Variants in PPFIBP2 observed in about 807,000 individuals in gnomAD.
PPFIBP2 encodes the protein PPFIB scaffold protein 2, also known as liprin-beta-2.
A neutral mutation model predicts 118.3 loss-of-function variants in PPFIBP2; 118 were observed. The ratio of observed to expected loss-of-function variants is 1.00; its 90% CI spans 0.86 to 1.16. PPFIBP2 has a LOEUF of 1.16. Ranked by LOEUF, PPFIBP2 falls within the 50% of genes most tolerant of loss-of-function variation. PPFIBP2 has a pLI of 0.00. For synonymous variants in PPFIBP2, 414 were observed against 397.4 expected, an observed-to-expected ratio of 1.04 and a Z score of -0.50; for missense variants, 1,195 against 1,073.1, an observed-to-expected ratio of 1.11 and a Z score of -1.59.
At chr11:7,521,874 G>C (rs1849786440) in intron 1 of PPFIBP2, among the ~76,000 whole-genome samples, 1 of 152,214 alleles carries the variant, frequency 6.6e-6, no homozygotes, top group African/African-American at 2.4e-5. Context: ...GACAGGCCCA[G>C]TGAAGAGTGG....
chr11:7,644,408 G>T (rs571906135), intron 17 of PPFIBP2, among the ~76,000 whole-genome samples: 1 of 152,262 alleles, frequency 6.6e-6, no homozygotes, highest in South Asian at 2.1e-4. Flanking sequence ...TGAGAAAAAG[G>T]CAGTAAAGTA....
intron 2 of PPFIBP2, among the ~76,000 whole-genome samples, chr11:7,564,043 GC>G (rs1257224586): frequency 6.6e-6 from 1 of 152,086 alleles, no homozygotes; most frequent in African/African-American, 2.4e-5. Context: ...GCGGGCACCT[GC>G]AGTCCCAGCT....
At chr11:7,514,546 A>G (rs1273897472) in intron 1 of PPFIBP2, among the ~76,000 whole-genome samples, 1 of 152,224 alleles carries the variant, frequency 6.6e-6, no homozygotes, top group Non-Finnish European at 1.5e-5. Context: ...CTGTCAGCCC[A>G]GGCAATTCTC....
At chr11:7,568,878 C>G (rs1283394358) in intron 3 of PPFIBP2, 1 of 152,230 alleles carries the variant, frequency 6.6e-6, no homozygotes, top group Non-Finnish European at 1.5e-5. Flanking sequence ...ACATTAAAGA[C>G]TTTTAATTTA....
At chr11:7,611,156 C>T (rs190049838) in intron 6 of PPFIBP2, among the ~76,000 whole-genome samples, 1 of 152,332 alleles carries the variant, frequency 6.6e-6, no homozygotes, top group Middle Eastern at 3.4e-3. Flanking sequence ...AAACACCTCG[C>T]TCATTTACTG....
intron 1 of PPFIBP2, among the ~76,000 whole-genome samples, chr11:7,540,750 ATTCC>A (rs1383398471): frequency 6.6e-6 from 1 of 152,234 alleles, no homozygotes; most frequent in African/African-American, 2.4e-5. Flanking sequence ...AGCTGCTGTC[ATTCC>A]TTTCCTTCAG....
Position 7,642,522 on chromosome 11 carries a change from C to T in PPFIBP2, c.1646+96C>T, listed in dbSNP as rs556878931. On this transcript the variant is annotated intron_variant, in intron 17 of 23. Coordinates refer to ENST00000299492, the MANE Select transcript of PPFIBP2 (RefSeq NM_003621.5). Reference sequence around the variant, plus strand: ...GGTGAATCTTTACTCCTGTGTTTTGCGGAAACCCCTTTCCATATTCTCTTC... The same window carrying T: ...GGTGAATCTTTACTCCTGTGTTTTGTGGAAACCCCTTTCCATATTCTCTTC... The T allele has an allele frequency of 8.4e-5, 115 of 1,375,496 alleles. 1 individual carries two copies. Among genetic ancestry groups the T allele is most frequent in the African/African-American group, 2.0e-4 (14 of 68,432 alleles). The allele number at this position is 1,375,496 out of a possible 1,614,324, so 85.2% of individuals were successfully genotyped here. A position where few individuals can be genotyped will look rare whatever the true frequency, so the allele number is the denominator to read the frequency against.
intron 8 of PPFIBP2, among the ~76,000 whole-genome samples, chr11:7,627,991 T>C (rs1005045723): frequency 1.3e-5 from 2 of 152,184 alleles, no homozygotes; most frequent in East Asian, 1.9e-4. Context: ...TCTTAGGAGA[T>C]GTTGGTTTTG....
rs1306029325 is a variant in PPFIBP2 at position 7,616,806 on chromosome 11, T to G, written c.619-4129T>G. The stretch of plus-strand genomic sequence containing the variant: ...AGTGTGCACCCATCTCTGCTATTGC[T>G]TCTGCTTGGATGAAGAGTTTCTTCT... On this transcript the variant is annotated intron_variant, in intron 6 of 23. Transcript: ENST00000299492. The surrounding 1 kb of genome is among the most constrained non-coding windows in gnomAD (Gnocchi z 5.2). Among the ~76,000 whole-genome samples the G allele has an allele frequency of 2.6e-5, 4 of 151,888 alleles. No individual in the cohort carries two copies. Among genetic ancestry groups the G allele is most frequent in the African/African-American group, 9.7e-5 (4 of 41,344 alleles).
chr11:7,549,328 G>A, intron 1 of PPFIBP2, 112 bp from the exon 2 acceptor site: 1 of 967,242 alleles, frequency 1.0e-6, no homozygotes, highest in South Asian at 1.5e-5. Context: ...CGGCTACTAT[G>A]ATTCTTATGA....
rs547089505 is a variant in PPFIBP2, at chr11:7,597,741, C to T, written c.486+68C>T. On this transcript the variant is annotated intron_variant, in intron 5 of 23. Transcript: ENST00000299492. ...TCATGTGCTGAAGCCCCTTTGTGTGCCCAGGCTACAGCCCTCGCTGTCTGC... is the reference window on the plus strand; with the variant it reads ...TCATGTGCTGAAGCCCCTTTGTGTGTCCAGGCTACAGCCCTCGCTGTCTGC... The T allele has an allele frequency of 2.3e-5, 29 of 1,265,480 alleles. No individual in the cohort carries two copies. The African/African-American group carries it at 4.0e-4, about 17-fold the overall frequency. 78.4% of individuals were successfully genotyped at this position (1,265,480 alleles called of 1,614,324 possible). A position where few individuals can be genotyped will look rare whatever the true frequency, so the allele number is the denominator to read the frequency against.
At chr11:7,634,753 A>G (rs1338433149) in intron 13 of PPFIBP2, among the ~76,000 whole-genome samples, 1 of 152,172 alleles carries the variant, frequency 6.6e-6, no homozygotes, top group Non-Finnish European at 1.5e-5. Context: ...AATTCAGGAA[A>G]TGTTGCCTGG....
At chr11:7,564,186 G>A (rs1854677124) in intron 2 of PPFIBP2, among the ~76,000 whole-genome samples, 1 of 151,982 alleles carries the variant, frequency 6.6e-6, no homozygotes, top group African/African-American at 2.4e-5. Flanking sequence ...AAAGAATAGT[G>A]GAACAGTTGA....
chr11:7,553,312 C>T (rs1043161523), intron 2 of PPFIBP2, among the ~76,000 whole-genome samples: 2 of 152,078 alleles, frequency 1.3e-5, no homozygotes, highest in African/African-American at 2.4e-5. Flanking sequence ...TTGACAGGAG[C>T]TATTTGACAG....
intron 5 of PPFIBP2, among the ~76,000 whole-genome samples, chr11:7,605,400 C>T (rs531312525): frequency 6.6e-6 from 1 of 152,278 alleles, no homozygotes; most frequent in Admixed American, 6.5e-5. Flanking sequence ...GGAACAGTTC[C>T]TGAAAGGAGT....
chr11:7,575,109 G>A (rs960150276), intron 3 of PPFIBP2, among the ~76,000 whole-genome samples: 3 of 152,096 alleles, frequency 2.0e-5, no homozygotes, highest in Non-Finnish European at 4.4e-5. Context: ...CTGGAGAAAC[G>A]GACCTTCAAG....
At chr11:7,625,424 G>C (rs112323396) in intron 7 of PPFIBP2, among the ~76,000 whole-genome samples, 2,867 of 152,314 alleles carry the variant, frequency 0.019, 84 homozygotes, top group African/African-American at 0.065. Flanking sequence ...ACCATGTCCA[G>C]AATATCCTCC....
intron 8 of PPFIBP2, among the ~76,000 whole-genome samples, chr11:7,628,029 C>T (rs779191958): frequency 3.3e-5 from 5 of 152,192 alleles, no homozygotes; most frequent in Middle Eastern, 6.8e-3. Flanking sequence ...TCTGTCCTCT[C>T]GAGTACATGG....
At position 7,621,045 on chromosome 11, in the gene PPFIBP2, TG is replaced by T; in HGVS notation, c.711+19del. On this transcript the variant is annotated intron_variant, in intron 7 of 23. Transcript: ENST00000299492. ...CCACTAAGGTAAACGGCACTCCTGA[TG>T]CTTATGGAGAGAGTATGAGGGCCTT... The T allele has an allele frequency of 6.4e-7, 1 of 1,561,318 alleles. No homozygotes were observed. Among genetic ancestry groups the T allele is most frequent in the South Asian group, 1.1e-5 (1 of 89,982 alleles).
Sources: allele counts gnomAD v4.1 joint callset (sites outside exome capture counted in the v4.1 genomes callset), GRCh38; gene constraint gnomAD v4.1.1; non-coding constraint Gnocchi (gnomAD v3.1); transcripts MANE v1.5; gene names NCBI Gene and HGNC (gene_info 2026-07-23, HGNC 2026-07-21).